Variants in RUNX2 observed in about 807,000 individuals in gnomAD.
RUNX2 encodes runt-related transcription factor 2.
In RUNX2, 10 loss-of-function variants were observed where a neutral mutation model predicts 51.7. The observed-to-expected ratio is 0.19, with a 90% confidence interval of 0.12 to 0.33. The LOEUF (loss-of-function observed/expected upper bound fraction) is 0.33, where lower values mean the gene tolerates loss of function less well. RUNX2 is among the 10% of genes least tolerant of loss of function. RUNX2 has a pLI of 1.00. For synonymous variants in RUNX2, 276 were observed against 273.6 expected (o/e 1.01, Z -0.09); for missense variants, 562 against 691.3 (o/e 0.81, Z 2.10).
chr6:45,523,035 C>T (rs1801556296), intron 7 of RUNX2, among the ~76,000 whole-genome samples: 1 of 152,144 alleles, frequency 6.6e-6, no homozygotes, highest in Non-Finnish European at 1.5e-5. Flanking sequence ...CATGAATCCA[C>T]CTACTCATTA....
intron 2 of RUNX2, among the ~76,000 whole-genome samples, chr6:45,369,095 T>C (rs1345486647): frequency 1.3e-5 from 2 of 152,136 alleles, no homozygotes; most frequent in Admixed American, 1.3e-4. Flanking sequence ...TATATTAATA[T>C]ATGCCCCATT....
chr6:45,522,051 A>G (rs1022336111), intron 7 of RUNX2, among the ~76,000 whole-genome samples: 14 of 152,190 alleles, frequency 9.2e-5, no homozygotes, highest in Non-Finnish European at 5.9e-5. Context: ...CTGCCTGTCT[A>G]GAACATTTTA....
intron 7 of RUNX2, among the ~76,000 whole-genome samples, chr6:45,535,844 G>A (rs567843355): frequency 1.5e-4 from 23 of 152,114 alleles, no homozygotes; most frequent in African/African-American, 5.3e-4. Flanking sequence ...GTGGGAAAAG[G>A]TAGGGTAGCA....
intron 5 of RUNX2, among the ~76,000 whole-genome samples, chr6:45,453,529 T>C (rs1447650920): frequency 6.6e-6 from 1 of 152,238 alleles, no homozygotes; most frequent in African/African-American, 2.4e-5. Flanking sequence ...CTGAGGACTT[T>C]ACTTAAGACT....
chr6:45,447,899 C>T (rs1690848867), intron 5 of RUNX2, among the ~76,000 whole-genome samples: 1 of 152,184 alleles, frequency 6.6e-6, no homozygotes, highest in Non-Finnish European at 1.5e-5. Context: ...CTGCTGCCAA[C>T]ATGCGGTGAT....
chr6:45,479,487 A>G (rs1470579939), intron 5 of RUNX2, among the ~76,000 whole-genome samples: 1 of 152,218 alleles, frequency 6.6e-6, no homozygotes, highest in Non-Finnish European at 1.5e-5. Flanking sequence ...GGATAGAGAC[A>G]TGGAACTAAT....
chr6:45,363,298 G>C (rs1341387502), intron 2 of RUNX2, among the ~76,000 whole-genome samples: 1 of 152,044 alleles, frequency 6.6e-6, no homozygotes, highest in Non-Finnish European at 1.5e-5. Context: ...TAGGACATCT[G>C]TTTTTAACTT....
In RUNX2 at chr6:45,532,925, T is replaced by TC. The variant is rs1383856063; in HGVS notation, c.1022-12291dup. Among the ~76,000 whole-genome samples the TC allele has an allele frequency of 4.7e-4, 58 of 123,106 alleles. 3 individuals are homozygous for TC. In the South Asian group the frequency reaches 9.8e-3, roughly 21 times the overall value. The allele number at this position is 123,106 out of a possible 152,430, so 80.8% of individuals were successfully genotyped here. A position where few individuals can be genotyped will look rare whatever the true frequency, so the allele number is the denominator to read the frequency against. ...GGGCTCTTTTTTTTTTTTTTTTTTT[T>TC]CACGGTCATCAAAACAAGTAGCTCC... On this transcript the variant is annotated intron_variant, in intron 7 of 8. Transcript: ENST00000647337.
chr6:45,468,978 C>G (rs764540939), intron 5 of RUNX2, among the ~76,000 whole-genome samples: 4 of 152,238 alleles, frequency 2.6e-5, no homozygotes, highest in Non-Finnish European at 4.4e-5. Context: ...TTGCACATCT[C>G]TTTTCATGTG....
At chr6:45,348,149 G>A (rs1413067556) in intron 2 of RUNX2, among the ~76,000 whole-genome samples, 1 of 151,896 alleles carries the variant, frequency 6.6e-6, no homozygotes, top group Non-Finnish European at 1.5e-5. Flanking sequence ...GAAAAAAGGG[G>A]CATACTTACA....
intron 5 of RUNX2, among the ~76,000 whole-genome samples, chr6:45,485,919 T>G (rs1277744827): frequency 2.6e-5 from 4 of 151,728 alleles, no homozygotes; most frequent in Non-Finnish European, 4.4e-5. Flanking sequence ...CTATAATACT[T>G]CAATACTTTT....
chr6:45,468,505 CT>C (rs1222692291), intron 5 of RUNX2, among the ~76,000 whole-genome samples: 1 of 152,068 alleles, frequency 6.6e-6, no homozygotes, highest in African/African-American at 2.4e-5. Context: ...AATGATGTTA[CT>C]GTTAGCGAAG....
At chr6:45,432,092 T>G in intron 4 of RUNX2, 73 bp downstream of exon 4, 1 of 1,380,702 alleles carries the variant, frequency 7.2e-7, no homozygotes, top group Non-Finnish European at 1.0e-6. Context: ...TAGACTAGTC[T>G]GTATACAAAT....
At chr6:45,479,678 C>T (rs541596382) in intron 5 of RUNX2, among the ~76,000 whole-genome samples, 1 of 152,288 alleles carries the variant, frequency 6.6e-6, no homozygotes, top group Admixed American at 6.5e-5. Flanking sequence ...TTAAATAATT[C>T]AGCATGAAGC....
intron 2 of RUNX2, among the ~76,000 whole-genome samples, chr6:45,357,789 TA>T (rs1793508177): frequency 6.6e-6 from 1 of 152,240 alleles, no homozygotes; most frequent in South Asian, 2.1e-4. Flanking sequence ...AATGAGAACC[TA>T]AAACTCACAA....
intron 2 of RUNX2, among the ~76,000 whole-genome samples, chr6:45,369,150 TATCTC>T (rs1009124665): frequency 3.9e-5 from 6 of 152,232 alleles, no homozygotes; most frequent in African/African-American, 1.4e-4. Flanking sequence ...TTTATAAACT[TATCTC>T]AAATCAGTCA....
chr6:45,447,555 G>T (rs1430074585), intron 5 of RUNX2, among the ~76,000 whole-genome samples: 3 of 152,066 alleles, frequency 2.0e-5, no homozygotes, highest in Non-Finnish European at 2.9e-5. Context: ...AATTAATCAT[G>T]ATCTCTGTCC....
intron 2 of RUNX2, among the ~76,000 whole-genome samples, chr6:45,354,780 G>A (rs778348566): frequency 5.9e-5 from 9 of 151,966 alleles, no homozygotes; most frequent in South Asian, 2.1e-4. Flanking sequence ...CAGGAGGATC[G>A]CTTGAGGCTA....
chr6:45,333,881 A>G (rs535087696), intron 2 of RUNX2, among the ~76,000 whole-genome samples: 1 of 151,458 alleles, frequency 6.6e-6, no homozygotes, highest in South Asian at 2.1e-4. Context: ...TAAATAAAAG[A>G]TAAATGTTTA....
Sources: allele counts gnomAD v4.1 joint callset (sites outside exome capture counted in the v4.1 genomes callset), GRCh38; gene constraint gnomAD v4.1.1; transcripts MANE v1.5; gene names NCBI Gene and HGNC (gene_info 2026-07-23, HGNC 2026-07-21).